SH3RF3: variants seen among roughly 807,000 people sequenced by gnomAD.
The protein encoded by SH3RF3 is SH3 domain containing ring finger 3, also known as E3 ubiquitin-protein ligase SH3RF3.
In SH3RF3, 29 loss-of-function variants were observed where a neutral mutation model predicts 66.3. The observed-to-expected ratio is 0.44, with a 90% CI of 0.33 to 0.60. The LOEUF (loss-of-function observed/expected upper bound fraction) is 0.60, where lower values mean the gene tolerates loss of function less well. Among genes scored for constraint, SH3RF3 ranks in the 20% least tolerant of loss-of-function variants. The pLI, the probability that SH3RF3 is intolerant of heterozygous loss-of-function variation, is 0.04. For synonymous variants in SH3RF3, 583 were observed against 532.0 expected, an observed-to-expected ratio of 1.10 and a Z score of -1.32; for missense variants, 1,194 against 1,190.9, an observed-to-expected ratio of 1.00 and a Z score of -0.04.
At chr2:109,282,478 C>T (rs1370623739) in intron 1 of SH3RF3, among the ~76,000 whole-genome samples, 8 of 152,124 alleles carry the variant, frequency 5.3e-5, no homozygotes, top group Non-Finnish European at 8.8e-5. Context: ...TGCAGGAAGG[C>T]CCGAGGGTCA....
At chr2:109,302,999 C>G (rs972681510) in intron 1 of SH3RF3, among the ~76,000 whole-genome samples, 1 of 152,158 alleles carries the variant, frequency 6.6e-6, no homozygotes, top group Admixed American at 6.5e-5. Flanking sequence ...GCCTCAGCCT[C>G]CCTAGTAGCT....
chr2:109,369,822 A>C (rs1284987852), intron 2 of SH3RF3, among the ~76,000 whole-genome samples: 1 of 152,168 alleles, frequency 6.6e-6, no homozygotes, highest in Non-Finnish European at 1.5e-5. Flanking sequence ...AGTTTCTCTG[A>C]TGATTTCTTA....
In SH3RF3 at chr2:109,374,889, G is replaced by A. The variant is rs535536284; in HGVS notation, c.945+3208G>A. Reference sequence around the variant, plus strand: ...CAGGCCATGATGCTAAGCCCACGGTGGACCTCACAAAGTAAACGAGAGTGT... The same window carrying A: ...CAGGCCATGATGCTAAGCCCACGGTAGACCTCACAAAGTAAACGAGAGTGT... On this transcript the variant is annotated intron_variant, in intron 3 of 9. Coordinates refer to ENST00000309415, the MANE Select transcript of SH3RF3 (RefSeq NM_001099289.3). Among the ~76,000 whole-genome samples, 9 of 152,294 alleles carry A rather than the reference G, an allele frequency of 5.9e-5. No homozygotes were observed. In the East Asian group the frequency reaches 1.7e-3, roughly 30 times the overall value.
intron 8 of SH3RF3, among the ~76,000 whole-genome samples, chr2:109,451,692 T>C (rs986344160): frequency 2.0e-5 from 3 of 152,262 alleles, no homozygotes; most frequent in African/African-American, 7.2e-5. Flanking sequence ...CTAACAGTTG[T>C]GCTATATCAG....
chr2:109,356,628 G>T (rs569252198), intron 2 of SH3RF3, among the ~76,000 whole-genome samples: 2 of 152,284 alleles, frequency 1.3e-5, no homozygotes, highest in East Asian at 3.9e-4. Context: ...CTTAGGAGAT[G>T]CTTGAATATA....
chr2:109,313,746 C>T (rs1445784220), intron 1 of SH3RF3: 1 of 154,984 alleles, frequency 6.5e-6, no homozygotes, highest in East Asian at 1.9e-4. Flanking sequence ...AAAGGTGCTT[C>T]CGGTTTCTTT....
chr2:109,174,060 C>G (rs995604380), intron 1 of SH3RF3, among the ~76,000 whole-genome samples: 5 of 152,232 alleles, frequency 3.3e-5, no homozygotes, highest in African/African-American at 7.2e-5. Flanking sequence ...TGGCTGCTCC[C>G]ACAGTGTCCC....
chr2:109,269,171 G>A (rs2105313504), intron 1 of SH3RF3, among the ~76,000 whole-genome samples: 1 of 152,332 alleles, frequency 6.6e-6, no homozygotes. Context: ...GGGGGAGAGG[G>A]ACCACAGGCT....
At chr2:109,136,650 C>T (rs1676821195) in intron 1 of SH3RF3, among the ~76,000 whole-genome samples, 1 of 152,160 alleles carries the variant, frequency 6.6e-6, no homozygotes, top group African/African-American at 2.4e-5. Flanking sequence ...CAAGAAGAGT[C>T]ACTGCGCTCT....
chr2:109,346,458 A>C (rs749589602), intron 1 of SH3RF3, among the ~76,000 whole-genome samples: 1 of 152,184 alleles, frequency 6.6e-6, no homozygotes, highest in African/African-American at 2.4e-5. Flanking sequence ...TGGTGAGAAA[A>C]TGCGGCTTCT....
intron 1 of SH3RF3, among the ~76,000 whole-genome samples, chr2:109,134,576 C>T (rs1676775927): frequency 6.6e-6 from 1 of 152,198 alleles, no homozygotes; most frequent in Non-Finnish European, 1.5e-5. Flanking sequence ...TGTGGCTCAT[C>T]TGGTCCTTAC....
At chr2:109,271,817 A>G (rs1347026898) in intron 1 of SH3RF3, among the ~76,000 whole-genome samples, 1 of 152,254 alleles carries the variant, frequency 6.6e-6, no homozygotes, top group Non-Finnish European at 1.5e-5. Flanking sequence ...AAAATGCTGT[A>G]CAAATCTGAA....
intron 1 of SH3RF3, among the ~76,000 whole-genome samples, chr2:109,328,127 CAAAA>C (rs1682197966): frequency 6.6e-6 from 1 of 152,140 alleles, no homozygotes; most frequent in Non-Finnish European, 1.5e-5. Context: ...AGTCTTAAAA[CAAAA>C]AACAGCCAAA....
intron 1 of SH3RF3, among the ~76,000 whole-genome samples, chr2:109,135,971 A>G (rs1323081787): frequency 1.3e-5 from 2 of 152,202 alleles, no homozygotes; most frequent in African/African-American, 4.8e-5. Flanking sequence ...GCTATCCTGA[A>G]AACGAGCCCA....
chr2:109,280,990 T>C (rs1680876392), intron 1 of SH3RF3, among the ~76,000 whole-genome samples: 1 of 152,202 alleles, frequency 6.6e-6, no homozygotes, highest in African/African-American at 2.4e-5. Flanking sequence ...CACACACAGA[T>C]CTGCAGACCT....
At chr2:109,380,578 T>A (rs762871145) in intron 3 of SH3RF3, among the ~76,000 whole-genome samples, 3 of 152,234 alleles carry the variant, frequency 2.0e-5, no homozygotes, top group African/African-American at 7.2e-5. Flanking sequence ...AAGCCCCTTG[T>A]CCTCGCTGCC....
intron 3 of SH3RF3, among the ~76,000 whole-genome samples, chr2:109,379,824 G>A (rs1386242174): frequency 1.3e-5 from 2 of 152,060 alleles, no homozygotes; most frequent in African/African-American, 2.4e-5. Flanking sequence ...AGCCAGAAGC[G>A]AGGACCAGAA....
chr2:109,178,286 A>G (rs1408188735), intron 1 of SH3RF3, among the ~76,000 whole-genome samples: 1 of 152,160 alleles, frequency 6.6e-6, no homozygotes, highest in Admixed American at 6.5e-5. Context: ...CTTTGCTTTA[A>G]TTTTTAGAGC....
intron 8 of SH3RF3, among the ~76,000 whole-genome samples, chr2:109,472,448 G>A (rs1172826377): frequency 3.9e-5 from 6 of 152,202 alleles, no homozygotes; most frequent in East Asian, 1.9e-4. Flanking sequence ...GCTTCCCGAC[G>A]GGGCTTCCCG....
Sources: allele counts gnomAD v4.1 joint callset (sites outside exome capture counted in the v4.1 genomes callset), GRCh38; gene constraint gnomAD v4.1.1; transcripts MANE v1.5; gene names NCBI Gene and HGNC (gene_info 2026-07-23, HGNC 2026-07-21).